The following UBE2N variants were observed in gnomAD, a reference collection of about 807,000 sequenced individuals.
UBE2N encodes ubiquitin conjugating enzyme E2 N, also known as ubiquitin-conjugating enzyme E2 N.
For missense variants in UBE2N, 60 were observed against 192.1 expected, an observed-to-expected ratio of 0.31 and a Z score of 4.07; for synonymous variants, 70 against 69.2, an observed-to-expected ratio of 1.01 and a Z score of -0.06.
At chr12:93,441,050 A>G (rs78780191) in intron 1 of UBE2N, 6,139 of 152,794 alleles carry the variant, frequency 0.04, 424 homozygotes, top group African/African-American at 0.14. Context: ...AGGAGAGAAG[A>G]GGAGAGAGAA....
At chr12:93,410,483 T>C (rs537513937) in intron 3 of UBE2N, 5 of 586,298 alleles carry the variant, frequency 8.5e-6, no homozygotes, top group African/African-American at 7.5e-5. Context: ...ATAAATGGTA[T>C]GCACTCAGTA....
At position 93,408,610 on chromosome 12, in the gene UBE2N, T is replaced by C. The variant is rs1276610487; in HGVS notation, c.*1429A>G. 6.6e-6 allele frequency: 1 copy of C among 152,118 alleles called. No individual in the cohort carries two copies. Among genetic ancestry groups the C allele is most frequent in the East Asian group, 1.9e-4 (1 of 5,196 alleles). 9.4% of individuals were successfully genotyped at this position (152,118 alleles called of 1,614,324 possible). A position where few individuals can be genotyped will look rare whatever the true frequency, so the allele number is the denominator to read the frequency against. On this transcript the variant is annotated 3_prime_UTR_variant, in exon 4 of 4. Transcript: ENST00000318066. ...AATAACAAGAATCAGGAATTAGATA[T>C]GGAGAGAGGTGGGAAAGAACAGTTT...
In UBE2N at chr12:93,407,935, C is replaced by T. The variant is rs1877906470; in HGVS notation, c.*2104G>A. ...ACTGCAAAGGAAAAAAATATGATACCATGAAATTAGAAATTCACTGCATTT... is the reference window on the plus strand; with the variant it reads ...ACTGCAAAGGAAAAAAATATGATACTATGAAATTAGAAATTCACTGCATTT... On this transcript the variant is annotated 3_prime_UTR_variant, in exon 4 of 4. Coordinates refer to ENST00000318066, the MANE Select transcript of UBE2N (RefSeq NM_003348.4). 1 of 152,172 alleles carries T rather than the reference C, an allele frequency of 6.6e-6. No homozygotes were observed. Among genetic ancestry groups the T allele is most frequent in the Admixed American group, 6.5e-5 (1 of 15,282 alleles). 9.4% of individuals were successfully genotyped at this position (152,172 alleles called of 1,614,324 possible). A position where few individuals can be genotyped will look rare whatever the true frequency, so the allele number is the denominator to read the frequency against.
chr12:93,426,432 C>T (rs1266441570), intron 1 of UBE2N, among the ~76,000 whole-genome samples: 1 of 150,554 alleles, frequency 6.6e-6, no homozygotes, highest in Non-Finnish European at 1.5e-5. Flanking sequence ...AAAAATAGCC[C>T]TGAGAATAAC....
chr12:93,413,079 C>T (rs888707488), intron 1 of UBE2N, among the ~76,000 whole-genome samples: 17 of 152,190 alleles, frequency 1.1e-4, no homozygotes, highest in African/African-American at 2.9e-4. Flanking sequence ...TGAACATACC[C>T]TCCAATCAAG....
At chr12:93,426,239 G>T (rs1274261437) in intron 1 of UBE2N, among the ~76,000 whole-genome samples, 1 of 152,070 alleles carries the variant, frequency 6.6e-6, no homozygotes, top group Admixed American at 6.6e-5. Flanking sequence ...AATAGAGTAC[G>T]ATGGACAATA....
At chr12:93,440,531 A>G (rs1365532129) in intron 1 of UBE2N, among the ~76,000 whole-genome samples, 1 of 152,210 alleles carries the variant, frequency 6.6e-6, no homozygotes, top group African/African-American at 2.4e-5. Context: ...TTTAAATGCA[A>G]TTGGATGAAG....
chr12:93,407,413 A>G lies in UBE2N; in HGVS notation c.*2626T>C, dbSNP rs1469666954. The G allele has an allele frequency of 1.3e-5, 2 of 152,240 alleles. No individual in the cohort carries two copies. Among genetic ancestry groups the G allele is most frequent in the African/African-American group, 4.8e-5 (2 of 41,450 alleles). 9.4% of individuals were successfully genotyped at this position (152,240 alleles called of 1,614,324 possible). The stretch of plus-strand genomic sequence containing the variant: ...CCCAACAACTAGTGGGCAAACATGA[A>G]ACACTTTTGTTGAATAATGTGTTTC... On this transcript the variant is annotated 3_prime_UTR_variant, in exon 4 of 4. Transcript: ENST00000318066.
intron 1 of UBE2N, among the ~76,000 whole-genome samples, chr12:93,417,141 A>C (rs973740284): frequency 2.0e-5 from 3 of 152,220 alleles, no homozygotes; most frequent in Non-Finnish European, 4.4e-5. Flanking sequence ...AAATGTCCAC[A>C]AAATTAAGTC....
At chr12:93,415,078 G>A (rs566125840) in intron 1 of UBE2N, among the ~76,000 whole-genome samples, 9 of 152,218 alleles carry the variant, frequency 5.9e-5, no homozygotes, top group Admixed American at 2.6e-4. Flanking sequence ...AAAACAAAAG[G>A]AGCCACTCAG....
In UBE2N at chr12:93,409,972, T is replaced by C. The variant is rs529954161; in HGVS notation, c.*67A>G. 2 of 1,519,158 alleles carry C rather than the reference T, an allele frequency of 1.3e-6. No individual in the cohort carries two copies. The highest frequency in any genetic ancestry group is 1.1e-5 in the South Asian group (1 of 87,874). 94.1% of individuals were successfully genotyped at this position (1,519,158 alleles called of 1,614,324 possible). On this transcript the variant is annotated 3_prime_UTR_variant, in exon 4 of 4. Transcript: ENST00000318066. ...TGTTTCTAAGACTGTGTCCATTAAA[T>C]GCAAACAAAGAGGAGGAAGTCTTGG... is the stretch of plus-strand genomic sequence containing the variant.
chr12:93,416,672 G>A (rs1480336969), intron 1 of UBE2N, among the ~76,000 whole-genome samples: 1 of 151,872 alleles, frequency 6.6e-6, no homozygotes, highest in African/African-American at 2.4e-5. Flanking sequence ...TGCTGGGATT[G>A]TAAGCGTGAG....
chr12:93,412,683 T>G (rs1878064143), intron 1 of UBE2N, among the ~76,000 whole-genome samples: 2 of 152,196 alleles, frequency 1.3e-5, no homozygotes. Context: ...ATTCTGTATT[T>G]GTCCTGACTG....
intron 1 of UBE2N, among the ~76,000 whole-genome samples, chr12:93,420,140 G>C (rs1450098032): frequency 6.6e-6 from 1 of 152,198 alleles, no homozygotes; most frequent in Non-Finnish European, 1.5e-5. Flanking sequence ...CTAAGATTCT[G>C]CGTACCAAAG....
chr12:93,426,276 T>C (rs1306441746), intron 1 of UBE2N, among the ~76,000 whole-genome samples: 4 of 151,738 alleles, frequency 2.6e-5, no homozygotes, highest in Non-Finnish European at 5.9e-5. Context: ...ATCCACTTCA[T>C]GTGGACAGCT....
intron 1 of UBE2N, among the ~76,000 whole-genome samples, chr12:93,441,512 G>T (rs1215526242): frequency 6.6e-6 from 1 of 152,062 alleles, no homozygotes; most frequent in Non-Finnish European, 1.5e-5. Context: ...CTCCGGCGGG[G>T]GGGTGGTCTC....
chr12:93,436,203 C>T (rs1878930451), intron 1 of UBE2N, among the ~76,000 whole-genome samples: 1 of 152,148 alleles, frequency 6.6e-6, no homozygotes, highest in African/African-American at 2.4e-5. Flanking sequence ...CTGGGCCAAA[C>T]CAATCCTCCC....
chr12:93,440,235 G>T (rs1354061477), intron 1 of UBE2N, among the ~76,000 whole-genome samples: 1 of 151,852 alleles, frequency 6.6e-6, no homozygotes, highest in East Asian at 1.9e-4. Flanking sequence ...TTTCAACTGG[G>T]GCCTCAATAA....
intron 1 of UBE2N, among the ~76,000 whole-genome samples, chr12:93,434,530 A>G (rs1297333791): frequency 6.6e-6 from 1 of 152,212 alleles, no homozygotes; most frequent in Non-Finnish European, 1.5e-5. Flanking sequence ...GCTATTTTTA[A>G]CTTACTTTCA....
Sources: allele counts gnomAD v4.1 joint callset (sites outside exome capture counted in the v4.1 genomes callset), GRCh38; gene constraint gnomAD v4.1.1; transcripts MANE v1.5; gene names NCBI Gene and HGNC (gene_info 2026-07-23, HGNC 2026-07-21).